DCLK1: variants seen among roughly 807,000 people sequenced by gnomAD.
DCLK1 encodes the protein doublecortin like kinase 1.
Under a neutral mutation model 86.2 loss-of-function variants are expected in DCLK1, and 16 were observed. The observed-to-expected ratio is 0.19, with a 90% CI of 0.13 to 0.28. The LOEUF (loss-of-function observed/expected upper bound fraction) is 0.28, where lower values mean the gene tolerates loss of function less well. Among genes scored for constraint, DCLK1 ranks in the 10% least tolerant of loss-of-function variants. The probability of loss-of-function intolerance (pLI) is 1.00; values close to 1 mark genes in which losing one functional copy is unlikely to be tolerated. For missense variants in DCLK1, 590 were observed against 940.2 expected, an observed-to-expected ratio of 0.63 and a Z score of 4.87; for synonymous variants, 369 against 370.5, an observed-to-expected ratio of 1.00 and a Z score of 0.05.
At chr13:36,031,062 C>T (rs1882251295) in intron 3 of DCLK1, among the ~76,000 whole-genome samples, 1 of 152,190 alleles carries the variant, frequency 6.6e-6, no homozygotes, top group African/African-American at 2.4e-5. Flanking sequence ...CACTCCTACG[C>T]TTTTCCCAGC....
chr13:36,117,306 C>T (rs1209325692), intron 2 of DCLK1, among the ~76,000 whole-genome samples: 1 of 151,816 alleles, frequency 6.6e-6, no homozygotes, highest in African/African-American at 2.4e-5. Context: ...AAAAACAAAA[C>T]AAAGAATATA....
chr13:35,799,828 A>C (rs897262302), intron 15 of DCLK1, among the ~76,000 whole-genome samples: 12 of 152,154 alleles, frequency 7.9e-5, no homozygotes, highest in Non-Finnish European at 1.6e-4. Flanking sequence ...ATTTGTGGGG[A>C]AAGTGACTCA....
intron 3 of DCLK1, among the ~76,000 whole-genome samples, chr13:35,980,104 AC>A (rs1879558355): frequency 6.6e-6 from 1 of 152,126 alleles, no homozygotes; most frequent in South Asian, 2.1e-4. Flanking sequence ...AACCATCACC[AC>A]CGCTGGTCTT....
intron 3 of DCLK1, among the ~76,000 whole-genome samples, chr13:36,061,332 A>G (rs1883540735): frequency 6.6e-6 from 1 of 152,174 alleles, no homozygotes; most frequent in African/African-American, 2.4e-5. Context: ...ATACCCCATT[A>G]CACATGTATT....
At chr13:35,901,597 T>C (rs1251707153) in intron 4 of DCLK1, among the ~76,000 whole-genome samples, 3 of 146,476 alleles carry the variant, frequency 2.0e-5, no homozygotes, top group Non-Finnish European at 4.5e-5. Flanking sequence ...GAGCCAGAGG[T>C]TTGGTAGTTA....
intron 3 of DCLK1, among the ~76,000 whole-genome samples, chr13:35,964,116 C>T (rs925613678): frequency 1.3e-5 from 2 of 152,106 alleles, no homozygotes; most frequent in Admixed American, 6.6e-5. Context: ...GCAATAAAAT[C>T]CTCTTGTATC....
At chr13:35,792,366 GT>G (rs201866632) in intron 16 of DCLK1, among the ~76,000 whole-genome samples, 4 of 151,188 alleles carry the variant, frequency 2.6e-5, no homozygotes, top group East Asian at 1.9e-4. Context: ...TTTATCTTCA[GT>G]TTTTTTTTAG....
chr13:35,903,306 C>G (rs978253413), intron 4 of DCLK1, among the ~76,000 whole-genome samples: 2 of 152,208 alleles, frequency 1.3e-5, no homozygotes, highest in East Asian at 3.9e-4. Context: ...CAGAAAGTGT[C>G]TGGCCATAAG....
intron 3 of DCLK1, among the ~76,000 whole-genome samples, chr13:36,063,681 T>C (rs1056638844): frequency 6.6e-6 from 1 of 152,244 alleles, no homozygotes; most frequent in Non-Finnish European, 1.5e-5. Context: ...TGTTTCTTTT[T>C]ACCTTTCTAA....
At chr13:35,840,118 A>G (rs1869687914) in intron 6 of DCLK1, among the ~76,000 whole-genome samples, 1 of 152,214 alleles carries the variant, frequency 6.6e-6, no homozygotes, top group Non-Finnish European at 1.5e-5. Context: ...TCTGTGGAGC[A>G]GAGAGAAGGG....
At chr13:35,927,475 A>G (rs969299741) in intron 4 of DCLK1, among the ~76,000 whole-genome samples, 1 of 152,172 alleles carries the variant, frequency 6.6e-6, no homozygotes, top group African/African-American at 2.4e-5. Context: ...GTCTCTGATA[A>G]GTTCATTGTT....
intron 15 of DCLK1, among the ~76,000 whole-genome samples, chr13:35,796,668 G>A (rs1029168207): frequency 2.0e-5 from 3 of 152,104 alleles, no homozygotes; most frequent in Non-Finnish European, 4.4e-5. Flanking sequence ...TTTGCTCCAC[G>A]TCACATAGCT....
intron 3 of DCLK1, among the ~76,000 whole-genome samples, chr13:36,037,808 A>G (rs563401068): frequency 1.3e-5 from 2 of 152,304 alleles, no homozygotes; most frequent in South Asian, 4.1e-4. Context: ...TTTACACATT[A>G]TATGAATTTA....
chr13:35,953,047 AG>A (rs1309488084), intron 3 of DCLK1, among the ~76,000 whole-genome samples: 2 of 152,240 alleles, frequency 1.3e-5, no homozygotes, highest in Non-Finnish European at 2.9e-5. Context: ...TATATGATAA[AG>A]ATAAAATAAA....
At chr13:35,933,272 G>T (rs1566609049) in intron 4 of DCLK1, among the ~76,000 whole-genome samples, 1 of 152,208 alleles carries the variant, frequency 6.6e-6, no homozygotes, top group Non-Finnish European at 1.5e-5. Context: ...GGCATTGAGT[G>T]TCTGCGGCTT....
intron 3 of DCLK1, among the ~76,000 whole-genome samples, chr13:36,025,284 A>G (rs1881985055): frequency 2.0e-5 from 3 of 152,164 alleles, no homozygotes; most frequent in Admixed American, 2.0e-4. Context: ...TTGATTTTCT[A>G]TAAGGATGCC....
chr13:35,786,678 G>T (rs897639603), intron 16 of DCLK1, among the ~76,000 whole-genome samples: 5 of 152,160 alleles, frequency 3.3e-5, no homozygotes, highest in Admixed American at 3.3e-4. Flanking sequence ...GTAAAAGATG[G>T]ATGAATCCTC....
At chr13:35,860,121 G>T (rs774597791) in intron 5 of DCLK1, among the ~76,000 whole-genome samples, 2 of 152,214 alleles carry the variant, frequency 1.3e-5, no homozygotes, top group Admixed American at 6.5e-5. Flanking sequence ...TTTGGGGAGA[G>T]AATGTGTTTG....
intron 3 of DCLK1, among the ~76,000 whole-genome samples, chr13:35,956,120 T>C (rs1011358767): frequency 3.3e-5 from 5 of 152,158 alleles, no homozygotes; most frequent in Admixed American, 3.3e-4. Context: ...AATTAAAGGA[T>C]AGTCCAAGAA....
Sources: allele counts gnomAD v4.1 joint callset (sites outside exome capture counted in the v4.1 genomes callset), GRCh38; gene constraint gnomAD v4.1.1; transcripts MANE v1.5; gene names NCBI Gene and HGNC (gene_info 2026-07-23, HGNC 2026-07-21).